TRAPPC10: variants seen among roughly 807,000 people sequenced by gnomAD.
TRAPPC10 encodes TRAPP 130 kDa subunit.
TRAPPC10 carries 23 observed loss-of-function variants against 125.5 expected under a neutral mutation model. The observed-to-expected ratio is 0.18, with a 90% confidence interval of 0.13 to 0.26. The LOEUF (loss-of-function observed/expected upper bound fraction) is 0.26. TRAPPC10 is among the 10% of genes least tolerant of loss of function. The pLI, the probability that TRAPPC10 is intolerant of heterozygous loss-of-function variation, is 1.00. For synonymous variants in TRAPPC10, 509 were observed against 518.0 expected (o/e 0.98, Z 0.24); for missense variants, 1,123 against 1,308.4 (o/e 0.86, Z 2.19).
At chr21:44,031,907 A>G (rs1436578933) in intron 1 of TRAPPC10, among the ~76,000 whole-genome samples, 184 bp from the exon 2 acceptor site, 2 of 152,186 alleles carry the variant, frequency 1.3e-5, no homozygotes, top group Non-Finnish European at 2.9e-5. Flanking sequence ...CAGCTTCATC[A>G]CATCTGTCCC....
At chr21:44,038,522 G>C (rs1200036436) in intron 3 of TRAPPC10, among the ~76,000 whole-genome samples, 1 of 151,960 alleles carries the variant, frequency 6.6e-6, no homozygotes, top group Non-Finnish European at 1.5e-5. Context: ...CGTGGAACGA[G>C]TGGGCCTCAG....
chr21:44,064,635 G>A (rs1413725835), intron 7 of TRAPPC10, among the ~76,000 whole-genome samples: 1 of 152,208 alleles, frequency 6.6e-6, no homozygotes, highest in African/African-American at 2.4e-5. Context: ...ACGGAGTCTG[G>A]AAGTGATTAG....
intron 6 of TRAPPC10, chr21:44,060,094 C>A (rs2035920025): frequency 6.5e-6 from 1 of 153,276 alleles, no homozygotes; most frequent in South Asian, 2.0e-4. Flanking sequence ...GCTGTGAGCA[C>A]TGTCCTCACT....
Position 44,087,039 on chromosome 21 carries a change from TTGC to T in TRAPPC10, c.2539+83_2539+85del. ...TGTGGGTGTGAGGGTGAGCCTGGCCTTGCTGCCATCCTGCTGAGCGCCCCTCAA... is the reference window on the plus strand; with the variant it reads ...TGTGGGTGTGAGGGTGAGCCTGGCCTTGCCATCCTGCTGAGCGCCCCTCAA... On this transcript the variant is annotated intron_variant, in intron 16 of 22. Transcript: ENST00000291574. This position sits in a 1 kb window ranked among gnomAD's most constrained non-coding sequence, Gnocchi z 4.6. 6.5e-7 allele frequency: 1 copy of T among 1,532,876 alleles called. No homozygotes were observed. Among genetic ancestry groups the T allele is most frequent in the South Asian group, 1.2e-5 (1 of 84,222 alleles). 95.0% of individuals were successfully genotyped at this position (1,532,876 alleles called of 1,614,324 possible).
Position 44,012,485 on chromosome 21 carries a change from C to T in TRAPPC10, c.-9C>T, listed in dbSNP as rs1284039902. The T allele has an allele frequency of 4.1e-6, 6 of 1,479,108 alleles. No homozygotes were observed. The South Asian group carries it at 5.0e-5, about 12-fold the overall frequency. The allele number at this position is 1,479,108 out of a possible 1,614,324, so 91.6% of individuals were successfully genotyped here. On this transcript the variant is annotated 5_prime_UTR_variant, in exon 1 of 23. Transcript: ENST00000291574. ...GCGCGGGGGGCCGGGCCGGTGACGC[C>T]GGACGCCCATGGACGCCTCTGAGGA...
At chr21:44,046,823 G>A in intron 3 of TRAPPC10, 1 of 615,758 alleles carries the variant, frequency 1.6e-6, no homozygotes, top group Non-Finnish European at 3.0e-6. Context: ...TAAGTCTTTT[G>A]ATGCATTTCC....
At chr21:44,037,303 A>G (rs909927271) in intron 2 of TRAPPC10, among the ~76,000 whole-genome samples, 4 of 152,160 alleles carry the variant, frequency 2.6e-5, no homozygotes, top group Non-Finnish European at 5.9e-5. Context: ...CTGCTATTTT[A>G]TTTGTGCTCT....
chr21:44,039,098 G>A (rs1462879821), intron 3 of TRAPPC10, among the ~76,000 whole-genome samples: 1 of 152,192 alleles, frequency 6.6e-6, no homozygotes, highest in Non-Finnish European at 1.5e-5. Flanking sequence ...TTCCTCCCTG[G>A]CGTGGGGCTG....
At chr21:44,035,457 G>A (rs1389810635) in intron 2 of TRAPPC10, among the ~76,000 whole-genome samples, 1 of 152,198 alleles carries the variant, frequency 6.6e-6, no homozygotes, top group East Asian at 1.9e-4. Context: ...GAGGAAGAGA[G>A]GGAGAGAGAG....
chr21:44,035,559 C>A (rs369524310), intron 2 of TRAPPC10, among the ~76,000 whole-genome samples: 5 of 152,186 alleles, frequency 3.3e-5, no homozygotes, highest in African/African-American at 9.6e-5. Context: ...GAGGCCAAGG[C>A]GGGTAGATTG....
intron 13 of TRAPPC10, among the ~76,000 whole-genome samples, chr21:44,080,594 A>G (rs1000546310): frequency 2.6e-5 from 4 of 151,426 alleles, no homozygotes; most frequent in Admixed American, 6.6e-5. Context: ...CTGTAGTGCA[A>G]TGGTGCCATC....
intron 12 of TRAPPC10, 49 bp from the exon 13 acceptor site, chr21:44,079,966 C>A (rs201612561): frequency 1.3e-6 from 2 of 1,522,094 alleles, no homozygotes; most frequent in East Asian, 2.3e-5. Flanking sequence ...CACTTCCCCC[C>A]GCACTCCTAA....
intron 2 of TRAPPC10, among the ~76,000 whole-genome samples, chr21:44,032,679 G>A: frequency 6.6e-6 from 1 of 152,226 alleles, no homozygotes; most frequent in East Asian, 1.9e-4. Flanking sequence ...ACTGTGCCCA[G>A]ACTACGATGG....
At chr21:44,028,121 ATAAAAGGTTT>A (rs2033238790) in intron 1 of TRAPPC10, among the ~76,000 whole-genome samples, 1 of 152,236 alleles carries the variant, frequency 6.6e-6, no homozygotes, top group African/African-American at 2.4e-5. Context: ...TGCTTTGAAC[ATAAAAGGTTT>A]TAAATTACAC....
intron 4 of TRAPPC10, among the ~76,000 whole-genome samples, chr21:44,053,668 T>C (rs765160311): frequency 6.6e-6 from 1 of 152,120 alleles, no homozygotes; most frequent in East Asian, 1.9e-4. Flanking sequence ...GAGGCAAGGG[T>C]TGACTTGTGA....
chr21:44,032,951 G>A (rs977486579), intron 2 of TRAPPC10, among the ~76,000 whole-genome samples: 1 of 152,136 alleles, frequency 6.6e-6, no homozygotes, highest in Non-Finnish European at 1.5e-5. Context: ...CAGAAAGATG[G>A]TATTTAAAAA....
chr21:44,056,209 C>T (rs996947546), intron 5 of TRAPPC10, among the ~76,000 whole-genome samples: 4 of 152,036 alleles, frequency 2.6e-5, no homozygotes, highest in African/African-American at 4.8e-5. Flanking sequence ...GAGTCTGTAT[C>T]GATAGAAATC....
chr21:44,091,501 G>A (rs1448306067), intron 18 of TRAPPC10, among the ~76,000 whole-genome samples: 3 of 152,012 alleles, frequency 2.0e-5, no homozygotes, highest in Non-Finnish European at 4.4e-5. Context: ...GTGCAGTGGC[G>A]TGATCTCAGC....
intron 4 of TRAPPC10, 54 bp from the exon 5 acceptor site, chr21:44,055,644 C>G (rs935482512): frequency 3.3e-4 from 465 of 1,392,628 alleles, no homozygotes; most frequent in Middle Eastern, 2.5e-4. Context: ...GCTGCTGAGT[C>G]GTGGTGCTGT....
Sources: gnomAD v4.1 joint callset for allele counts (sites outside exome capture counted in the v4.1 genomes callset) on GRCh38, gnomAD v4.1.1 for gene constraint, Gnocchi (gnomAD v3.1) non-coding constraint, MANE v1.5 for transcripts, NCBI Gene and HGNC (gene_info 2026-07-23, HGNC 2026-07-21) for gene names.